Variants in USP46 observed in about 807,000 individuals in gnomAD.
USP46 encodes ubiquitin specific peptidase 46.
A neutral mutation model predicts 44.4 loss-of-function variants in USP46; 12 were observed. The ratio of observed to expected loss-of-function variants is 0.27; its 90% CI spans 0.17 to 0.44. USP46 has a LOEUF of 0.44. USP46 is among the 20% of genes least tolerant of loss of function. The probability of loss-of-function intolerance (pLI) is 1.00; values close to 1 mark genes in which losing one functional copy is unlikely to be tolerated. For synonymous variants in USP46, 155 were observed against 161.5 expected, an observed-to-expected ratio of 0.96 and a Z score of 0.31; for missense variants, 248 against 444.8, an observed-to-expected ratio of 0.56 and a Z score of 3.98.
intron 1 of USP46, among the ~76,000 whole-genome samples, chr4:52,634,881 C>T (rs867628134): frequency 6.6e-6 from 1 of 152,346 alleles, no homozygotes; most frequent in Middle Eastern, 3.4e-3. Context: ...ATGGATGAGC[C>T]ATCCCACCCA....
chr4:52,644,715 G>A (rs991735921), intron 1 of USP46, among the ~76,000 whole-genome samples: 5 of 142,760 alleles, frequency 3.5e-5, no homozygotes, highest in Non-Finnish European at 6.0e-5. Context: ...TTTGGGGACC[G>A]CTATCTTACA....
intron 6 of USP46, among the ~76,000 whole-genome samples, chr4:52,603,473 T>G (rs1716557734): frequency 6.6e-6 from 1 of 152,176 alleles, no homozygotes; most frequent in Admixed American, 6.5e-5. Context: ...ACAGCAGTAT[T>G]GAGCATCTGC....
At chr4:52,633,028 A>AAAAG (rs1717978117) in intron 1 of USP46, among the ~76,000 whole-genome samples, 1 of 147,668 alleles carries the variant, frequency 6.8e-6, no homozygotes, top group African/African-American at 2.5e-5. Context: ...GAAAGAAAGA[A>AAAAG]AAAGAAAGGT....
intron 6 of USP46, among the ~76,000 whole-genome samples, chr4:52,603,874 G>A (rs1396435251): frequency 2.0e-5 from 3 of 151,914 alleles, no homozygotes; most frequent in Non-Finnish European, 2.9e-5. Flanking sequence ...TAGTAGAGAC[G>A]GGGTTTCACC....
At position 52,628,447 on chromosome 4, in the gene USP46, G is replaced by A. The variant is rs182450840; in HGVS notation, c.118-284C>T. ...TCTACCTCAATAAAGAGTCTAACGA[G>A]ACCTGCTGGTGCTTAAAAAACAGAG... On this transcript the variant is annotated intron_variant, in intron 2 of 8. Transcript: ENST00000441222. 24 of 303,404 alleles carry A rather than the reference G, an allele frequency of 7.9e-5. No individual in the cohort carries two copies. The East Asian group carries it at 1.1e-3, about 15-fold the overall frequency. 18.8% of individuals were successfully genotyped at this position (303,404 alleles called of 1,614,324 possible).
At position 52,596,587 on chromosome 4, in the gene USP46, G is replaced by C. The variant is rs1377989865; in HGVS notation, c.*1053C>G. Reference sequence around the variant, plus strand: ...CCAGCTAACTCTGGTATTCCCTCTAGGGAAGGTTCTGTATCAGCCCTGGGA... The same window carrying C: ...CCAGCTAACTCTGGTATTCCCTCTACGGAAGGTTCTGTATCAGCCCTGGGA... On this transcript the variant is annotated 3_prime_UTR_variant, in exon 9 of 9. Coordinates refer to ENST00000441222, the MANE Select transcript of USP46 (RefSeq NM_022832.4). The C allele has an allele frequency of 6.6e-6, 1 of 152,144 alleles. No homozygotes were observed. The highest frequency in any genetic ancestry group is 2.4e-5 in the African/African-American group (1 of 41,422). The allele number at this position is 152,144 out of a possible 1,614,324, so 9.4% of individuals were successfully genotyped here. A position where few individuals can be genotyped will look rare whatever the true frequency, so the allele number is the denominator to read the frequency against.
chr4:52,615,215 T>C (rs1717085745), intron 4 of USP46, among the ~76,000 whole-genome samples: 1 of 152,070 alleles, frequency 6.6e-6, no homozygotes, highest in Non-Finnish European at 1.5e-5. Flanking sequence ...GACTAATAAT[T>C]ACAAGTAAGA....
rs1008547180 is a variant in USP46, at chr4:52,656,612, A to G, written c.36+2503T>C. ...AACAATGAGAAAGATGATGTTGACA[A>G]TGACACTCACTGAGTTCTAGCCATG... On this transcript the variant is annotated intron_variant, in intron 1 of 8. Coordinates refer to ENST00000441222, the MANE Select transcript of USP46 (RefSeq NM_022832.4). The G allele has an allele frequency of 3.2e-6, 4 of 1,248,444 alleles. No homozygotes were observed. The African/African-American group carries it at 4.5e-5, about 14-fold the overall frequency. The allele number at this position is 1,248,444 out of a possible 1,614,324, so 77.3% of individuals were successfully genotyped here. A position where few individuals can be genotyped will look rare whatever the true frequency, so the allele number is the denominator to read the frequency against.
At chr4:52,618,523 G>A (rs965565055) in intron 4 of USP46, among the ~76,000 whole-genome samples, 8 of 151,222 alleles carry the variant, frequency 5.3e-5, no homozygotes, top group African/African-American at 1.2e-4. Flanking sequence ...CAGGCATGGT[G>A]GTGTGCACTA....
At chr4:52,620,491 GA>G (rs1717336123) in intron 4 of USP46, among the ~76,000 whole-genome samples, 1 of 152,150 alleles carries the variant, frequency 6.6e-6, no homozygotes, top group Non-Finnish European at 1.5e-5. Flanking sequence ...GGAAGTTCTA[GA>G]AAGGCAGGGC....
intron 4 of USP46, among the ~76,000 whole-genome samples, chr4:52,616,023 T>C (rs960855416): frequency 6.6e-6 from 1 of 152,170 alleles, no homozygotes; most frequent in Non-Finnish European, 1.5e-5. Context: ...AACTAAGACA[T>C]AAAGGATCTG....
intron 1 of USP46, among the ~76,000 whole-genome samples, chr4:52,654,147 G>A (rs1026151599): frequency 6.6e-6 from 1 of 152,194 alleles, no homozygotes. Context: ...TATGAGACCA[G>A]TGGGGCCAGA....
intron 5 of USP46, among the ~76,000 whole-genome samples, chr4:52,607,316 G>T (rs1344043222): frequency 6.6e-6 from 1 of 152,192 alleles, no homozygotes; most frequent in Non-Finnish European, 1.5e-5. Flanking sequence ...AGCAGTAAAT[G>T]CTGAGGCAGA....
At chr4:52,645,090 T>G (rs1226324677) in intron 1 of USP46, among the ~76,000 whole-genome samples, 5 of 151,854 alleles carry the variant, frequency 3.3e-5, no homozygotes, top group African/African-American at 1.2e-4. Context: ...CCGGACATGG[T>G]GGCATGCACC....
chr4:52,641,086 T>C (rs1718322054), intron 1 of USP46, among the ~76,000 whole-genome samples: 1 of 152,062 alleles, frequency 6.6e-6, no homozygotes, highest in South Asian at 2.1e-4. Context: ...ATCAGCACTG[T>C]ATAAATTGTA....
At position 52,659,142 on chromosome 4, in the gene USP46, G is replaced by A. The variant is rs752335456; in HGVS notation, c.9C>T (p.Val3=). ...TATTACAGATGGAGGCGATGTTTCG[G>A]ACAGTCATTAGTCTAAAGGTTGCAG... The part of the protein sequence containing the change: MT[V]RNIASICNMG... Residue 3 remains valine (V), a synonymous_variant, in exon 1 of 9, where the codon GTC becomes GTT. Transcript: ENST00000441222. The surrounding 1 kb of genome is among the most constrained non-coding windows in gnomAD (Gnocchi z 4.2). The A allele has an allele frequency of 2.5e-5, 39 of 1,569,122 alleles. No homozygotes were observed. The highest frequency in any genetic ancestry group is 9.1e-5 in the Admixed American group (5 of 55,162).
chr4:52,604,474 A>G, intron 6 of USP46, 27 bp downstream of exon 6: 1 of 1,592,940 alleles, frequency 6.3e-7, no homozygotes, highest in Non-Finnish European at 8.6e-7. Flanking sequence ...CCACACAAAG[A>G]TAACCCTGAG....
At chr4:52,626,508 T>G (rs1161901073) in intron 3 of USP46, among the ~76,000 whole-genome samples, 1 of 152,092 alleles carries the variant, frequency 6.6e-6, no homozygotes, top group Non-Finnish European at 1.5e-5. Context: ...GTATTTTTAG[T>G]AGAGACCAGG....
intron 1 of USP46, among the ~76,000 whole-genome samples, chr4:52,632,990 A>AAAAGAAAAGG (rs1717961084): frequency 1.5e-5 from 1 of 66,294 alleles, no homozygotes; most frequent in Non-Finnish European, 3.0e-5. Flanking sequence ...GAAAGAAAAG[A>AAAAGAAAAGG]AAAGAAAGAA....
Sources: allele counts gnomAD v4.1 joint callset (sites outside exome capture counted in the v4.1 genomes callset), GRCh38; gene constraint gnomAD v4.1.1; non-coding constraint Gnocchi (gnomAD v3.1); transcripts MANE v1.5; gene names NCBI Gene and HGNC (gene_info 2026-07-23, HGNC 2026-07-21).